Variants in DNER observed in about 807,000 individuals in gnomAD.
DNER encodes delta and Notch-like epidermal growth factor-related receptor.
Under a neutral mutation model 78.2 loss-of-function variants are expected in DNER, and 33 were observed. The ratio of observed to expected loss-of-function variants is 0.42; its 90% CI spans 0.32 to 0.56. The LOEUF (loss-of-function observed/expected upper bound fraction) is 0.56, where lower values mean the gene tolerates loss of function less well. DNER is among the 20% of genes least tolerant of loss of function. The pLI is 0.11. For missense variants in DNER, 918 were observed against 975.3 expected, an observed-to-expected ratio of 0.94 and a Z score of 0.78; for synonymous variants, 417 against 384.8, an observed-to-expected ratio of 1.08 and a Z score of -0.98.
intron 5 of DNER, among the ~76,000 whole-genome samples, chr2:229,524,018 A>C (rs963695485): frequency 6.6e-6 from 1 of 152,226 alleles, no homozygotes; most frequent in African/African-American, 2.4e-5. Flanking sequence ...CCTCATAGCT[A>C]CCTCTGAGGT....
intron 1 of DNER, among the ~76,000 whole-genome samples, chr2:229,637,071 T>C (rs989366941): frequency 6.6e-6 from 1 of 152,154 alleles, no homozygotes; most frequent in Non-Finnish European, 1.5e-5. Context: ...CATTACAGGT[T>C]TGGGTCCATC....
intron 1 of DNER, among the ~76,000 whole-genome samples, chr2:229,608,744 T>C (rs1697993473): frequency 6.6e-6 from 1 of 151,582 alleles, no homozygotes; most frequent in Non-Finnish European, 1.5e-5. Flanking sequence ...TGGGGAGGAG[T>C]AGGGTAGTGG....
At chr2:229,512,633 G>T in intron 6 of DNER, 150 bp downstream of exon 6, 1 of 1,031,326 alleles carries the variant, frequency 9.7e-7, no homozygotes, top group Non-Finnish European at 1.4e-6. Flanking sequence ...CTTGGGTGAT[G>T]AGTGCACCAA....
At chr2:229,421,866 C>A (rs1693774010) in intron 8 of DNER, among the ~76,000 whole-genome samples, 1 of 152,096 alleles carries the variant, frequency 6.6e-6, no homozygotes, top group South Asian at 2.1e-4. Context: ...CATAACCCTG[C>A]ATGCATCTTT....
chr2:229,679,608 C>T (rs1699353254), intron 1 of DNER, among the ~76,000 whole-genome samples: 1 of 152,146 alleles, frequency 6.6e-6, no homozygotes. Context: ...CTCAACAGTA[C>T]CTTATCGTTC....
intron 4 of DNER, among the ~76,000 whole-genome samples, chr2:229,563,923 C>T (rs1416521671): frequency 6.7e-6 from 1 of 148,960 alleles, no homozygotes; most frequent in Non-Finnish European, 1.5e-5. Flanking sequence ...CTCCTTACCC[C>T]ATCACCATTA....
intron 1 of DNER, among the ~76,000 whole-genome samples, chr2:229,694,999 G>GC (rs965601260): frequency 1.3e-5 from 2 of 152,074 alleles, no homozygotes; most frequent in Admixed American, 6.5e-5. Context: ...TTACGGGAGG[G>GC]CCCCCCCTGC....
chr2:229,524,044 T>A (rs967666156), intron 5 of DNER, among the ~76,000 whole-genome samples: 1 of 152,264 alleles, frequency 6.6e-6, no homozygotes, highest in African/African-American at 2.4e-5. Flanking sequence ...TTATTGTTAT[T>A]CTCATTTTAT....
At position 229,512,845 on chromosome 2, in the gene DNER, G is replaced by A. The variant is rs369585918; in HGVS notation, c.1085C>T (p.Ala362Val). Residue 362 changes from alanine (A) to valine (V), a missense_variant, in exon 6 of 13, where the codon GCG (alanine) becomes GTG (valine). Ala to Val is a moderately conservative substitution (Grantham distance 64). Transcript: ENST00000341772. ...CTTTTCATTTGCATCAATACAGCTC[G>A]CGTTGTTTTGGCAAGGTTTCCTCTG... ...ACQRKPCQNN[A>V]SCIDANEKQD... 49 of 1,614,062 alleles carry A rather than the reference G, an allele frequency of 3.0e-5. No individual in the cohort carries two copies. Among genetic ancestry groups the A allele is most frequent in the Non-Finnish European group, 3.7e-5 (44 of 1,180,004 alleles).
chr2:229,546,412 G>GA (rs5839336), intron 5 of DNER, among the ~76,000 whole-genome samples: 4,518 of 152,302 alleles, frequency 0.03, 202 homozygotes, highest in African/African-American at 0.096. Context: ...CAAGGAATTA[G>GA]AAAATAGAGA....
intron 6 of DNER, among the ~76,000 whole-genome samples, chr2:229,508,967 T>C (rs1167711657): frequency 9.2e-5 from 14 of 152,080 alleles, no homozygotes; most frequent in Admixed American, 1.3e-4. Flanking sequence ...AGGGTGGTTG[T>C]TATCTGTTAT....
At chr2:229,409,942 G>T (rs1693473035) in intron 9 of DNER, among the ~76,000 whole-genome samples, 1 of 152,078 alleles carries the variant, frequency 6.6e-6, no homozygotes, top group African/African-American at 2.4e-5. Flanking sequence ...TAAACACGGA[G>T]AATAGACAAT....
chr2:229,429,027 C>T (rs1291328966), intron 8 of DNER, among the ~76,000 whole-genome samples: 1 of 152,148 alleles, frequency 6.6e-6, no homozygotes, highest in African/African-American at 2.4e-5. Flanking sequence ...ACAGCAAGGT[C>T]GCTGCCAGAA....
At chr2:229,394,011 T>C (rs1693075896) in intron 10 of DNER, among the ~76,000 whole-genome samples, 2 of 152,166 alleles carry the variant, frequency 1.3e-5, no homozygotes, top group South Asian at 4.1e-4. Flanking sequence ...CCAAGTTTGA[T>C]GAAAACTGTA....
chr2:229,547,219 A>G, intron 4 of DNER, 127 bp from the exon 5 acceptor site: 1 of 1,328,230 alleles, frequency 7.5e-7, no homozygotes, highest in African/African-American at 1.5e-5. Flanking sequence ...AAGTCTGACA[A>G]AACAAAATGC....
intron 4 of DNER, among the ~76,000 whole-genome samples, chr2:229,568,328 GGTGC>G (rs1446535290): frequency 6.6e-6 from 1 of 152,132 alleles, no homozygotes; most frequent in African/African-American, 2.4e-5. Context: ...TGGCACTACT[GGTGC>G]GTGCCATTGT....
intron 4 of DNER, among the ~76,000 whole-genome samples, chr2:229,550,569 G>A (rs910557153): frequency 6.6e-5 from 10 of 151,986 alleles, no homozygotes; most frequent in Admixed American, 5.2e-4. Context: ...GAGGTCGGGA[G>A]ATCGAGACCA....
chr2:229,512,985 G>C, intron 5 of DNER, 49 bp from the exon 6 acceptor site: 1 of 1,573,240 alleles, frequency 6.4e-7, no homozygotes, highest in Non-Finnish European at 8.6e-7. Context: ...CCTCTCAACA[G>C]TGTGCTTTGG....
At chr2:229,668,528 G>GTATA (rs1699142183) in intron 1 of DNER, among the ~76,000 whole-genome samples, 3 of 49,614 alleles carry the variant, frequency 6.0e-5, no homozygotes, top group Non-Finnish European at 9.9e-5. Context: ...GTGTGTGTGT[G>GTATA]TGTGTGTGTA....
Sources: allele counts gnomAD v4.1 joint callset (sites outside exome capture counted in the v4.1 genomes callset), GRCh38; gene constraint gnomAD v4.1.1; transcripts MANE v1.5; gene names NCBI Gene and HGNC (gene_info 2026-07-23, HGNC 2026-07-21).